CSMD1: variants seen among roughly 807,000 people sequenced by gnomAD.
CSMD1 encodes CUB and Sushi multiple domains 1, also known as CUB and sushi domain-containing protein 1.
A neutral mutation model predicts 417.5 loss-of-function variants in CSMD1; 213 were observed. The observed-to-expected ratio is 0.51, with a 90% CI of 0.46 to 0.57. The LOEUF (loss-of-function observed/expected upper bound fraction) is 0.57. Ranked by LOEUF, CSMD1 falls within the 20% of genes least tolerant of loss-of-function variation. The pLI, the probability that CSMD1 is intolerant of heterozygous loss-of-function variation, is 0.00. For missense variants in CSMD1, 6,923 were observed against 4,529.7 expected (o/e 1.53, Z -15.17); for synonymous variants, 2,862 against 1,736.8 (o/e 1.65, Z -16.11).
At chr8:4,593,217 G>T (rs1800077130) in intron 2 of CSMD1, among the ~76,000 whole-genome samples, 1 of 152,164 alleles carries the variant, frequency 6.6e-6, no homozygotes, top group Admixed American at 6.6e-5. Flanking sequence ...GCCTTTTGCT[G>T]CTGCTGAAAA....
chr8:4,750,334 G>C (rs1000155657), intron 1 of CSMD1, among the ~76,000 whole-genome samples: 4 of 152,118 alleles, frequency 2.6e-5, no homozygotes, highest in Admixed American at 6.5e-5. Flanking sequence ...CACCTCTCTA[G>C]AAACTGCTGA....
chr8:3,060,803 T>C (rs963783897), intron 49 of CSMD1, among the ~76,000 whole-genome samples: 1 of 152,158 alleles, frequency 6.6e-6, no homozygotes, highest in Non-Finnish European at 1.5e-5. Context: ...TCTTTGTGAA[T>C]GGGATTAGGT....
chr8:3,475,007 C>G (rs149183134), intron 11 of CSMD1, among the ~76,000 whole-genome samples: 1 of 152,088 alleles, frequency 6.6e-6, no homozygotes, highest in Non-Finnish European at 1.5e-5. Context: ...ATCTCCCAGG[C>G]GTGTTCAGCT....
intron 1 of CSMD1, among the ~76,000 whole-genome samples, chr8:4,761,843 C>T (rs1444687596): frequency 1.4e-5 from 1 of 69,810 alleles, no homozygotes; most frequent in Admixed American, 2.3e-4. Flanking sequence ...ATGCATCTAT[C>T]TATCTATCTA....
In CSMD1 at chr8:4,745,961, G is replaced by T. The variant is rs561429795; in HGVS notation, c.86-108403C>A. Among the ~76,000 whole-genome samples the T allele has an allele frequency of 2.0e-5, 3 of 152,176 alleles. No individual in the cohort carries two copies. The East Asian group carries it at 5.8e-4, about 29-fold the overall frequency. Reference sequence around the variant, plus strand: ...TCCCCATTTGGTATCTCATCGGTACGCTTTGAAGTACAGGCTAAGAATCAA... The same window carrying T: ...TCCCCATTTGGTATCTCATCGGTACTCTTTGAAGTACAGGCTAAGAATCAA... On this transcript the variant is annotated intron_variant, in intron 1 of 69. Coordinates refer to ENST00000635120, the MANE Select transcript of CSMD1 (RefSeq NM_033225.6).
At position 3,927,614 on chromosome 8, in the gene CSMD1, G is replaced by A. The variant is rs535854598; in HGVS notation, c.818+70289C>T. 8.3e-4 allele frequency among the ~76,000 whole-genome samples: 127 copies of A among 152,174 alleles called. 3 individuals are homozygous for A. The highest frequency in any genetic ancestry group is 1.7e-3 in the Non-Finnish European group (115 of 68,006). ...TGGAAGGCGGAGGTTGCAGTGAGCC[G>A]ACATCACGCCACTGAACTCCACACT... is the stretch of plus-strand genomic sequence containing the variant. On this transcript the variant is annotated intron_variant, in intron 5 of 69. Transcript: ENST00000635120.
intron 7 of CSMD1, among the ~76,000 whole-genome samples, chr8:3,649,761 T>C (rs1371776632): frequency 6.6e-6 from 1 of 152,112 alleles, no homozygotes; most frequent in Non-Finnish European, 1.5e-5. Flanking sequence ...CATAACATCA[T>C]CCATAATATT....
At chr8:3,421,781 G>T (rs1268027139) in intron 12 of CSMD1, among the ~76,000 whole-genome samples, 11 of 152,262 alleles carry the variant, frequency 7.2e-5, no homozygotes, top group Admixed American at 5.2e-4. Context: ...GGGACTGCAG[G>T]TGCATGACAC....
chr8:3,846,726 TGACTCACTGCAACCTC>T (rs1296740204), intron 5 of CSMD1, among the ~76,000 whole-genome samples: 1 of 152,128 alleles, frequency 6.6e-6, no homozygotes, highest in African/African-American at 2.4e-5. Flanking sequence ...GGTGCAACCT[TGACTCACTGCAACCTC>T]GACTCACTGC....
At chr8:3,700,487 C>T (rs949810921) in intron 7 of CSMD1, 1 of 152,124 alleles carries the variant, frequency 6.6e-6, no homozygotes. Flanking sequence ...GGTGTGGATG[C>T]TCAAGTCAAC....
At chr8:3,831,937 C>G (rs1014188701) in intron 5 of CSMD1, among the ~76,000 whole-genome samples, 4 of 152,106 alleles carry the variant, frequency 2.6e-5, no homozygotes, top group Non-Finnish European at 2.9e-5. Flanking sequence ...AGAGATTAGT[C>G]CTGGAAAGTT....
At chr8:4,354,674 T>C (rs1563086399) in intron 3 of CSMD1, among the ~76,000 whole-genome samples, 1 of 152,130 alleles carries the variant, frequency 6.6e-6, no homozygotes, top group South Asian at 2.1e-4. Flanking sequence ...TTAAAATTTT[T>C]GTAACATTTG....
intron 52 of CSMD1, 100 bp from the exon 53 acceptor site, chr8:3,000,231 C>A (rs183144808): frequency 1.1e-5 from 7 of 646,186 alleles, no homozygotes; most frequent in South Asian, 8.7e-5. Context: ...GTATTGAAGG[C>A]GCAACATATT....
At chr8:3,806,038 C>G (rs1359080771) in intron 5 of CSMD1, among the ~76,000 whole-genome samples, 1 of 152,290 alleles carries the variant, frequency 6.6e-6, no homozygotes, top group East Asian at 1.9e-4. Flanking sequence ...TGCACATTAA[C>G]TTCTTCAATG....
chr8:3,924,545 T>C (rs1337609274), intron 5 of CSMD1, among the ~76,000 whole-genome samples: 1 of 152,204 alleles, frequency 6.6e-6, no homozygotes, highest in African/African-American at 2.4e-5. Context: ...TGCTTCATTT[T>C]TGAAAATTGT....
chr8:4,911,543 A>C (rs1805670446), intron 1 of CSMD1, among the ~76,000 whole-genome samples: 1 of 152,176 alleles, frequency 6.6e-6, no homozygotes. Context: ...AGTCAGGGCC[A>C]AACTTTACTG....
At chr8:4,801,075 C>G (rs969115452) in intron 1 of CSMD1, among the ~76,000 whole-genome samples, 1 of 152,168 alleles carries the variant, frequency 6.6e-6, no homozygotes, top group Admixed American at 6.5e-5. Flanking sequence ...ACCTACAGAT[C>G]TGAAATGATA....
chr8:4,261,088 A>C (rs1803847735), intron 3 of CSMD1, among the ~76,000 whole-genome samples: 1 of 152,098 alleles, frequency 6.6e-6, no homozygotes, highest in Non-Finnish European at 1.5e-5. Flanking sequence ...TGCTATATAT[A>C]ATTTTTCTAT....
intron 18 of CSMD1, among the ~76,000 whole-genome samples, chr8:3,382,190 C>T (rs1017528821): frequency 1.3e-5 from 2 of 151,470 alleles, no homozygotes; most frequent in African/African-American, 4.9e-5. Context: ...ACCTGGGAGG[C>T]GGAGGTTTTA....
Sources: allele counts gnomAD v4.1 joint callset (sites outside exome capture counted in the v4.1 genomes callset), GRCh38; gene constraint gnomAD v4.1.1; transcripts MANE v1.5; gene names NCBI Gene and HGNC (gene_info 2026-07-23, HGNC 2026-07-21).